Variants in CPEB4 observed in about 807,000 individuals in gnomAD.
CPEB4 encodes the protein cytoplasmic polyadenylation element-binding protein 4.
In CPEB4, 12 loss-of-function variants were observed where a neutral mutation model predicts 72.5. The observed-to-expected ratio is 0.17, with a 90% CI of 0.11 to 0.27. The LOEUF (loss-of-function observed/expected upper bound fraction) is 0.27. CPEB4 is among the 10% of genes least tolerant of loss of function. The pLI is 1.00. For synonymous variants in CPEB4, 302 were observed against 326.3 expected, an observed-to-expected ratio of 0.93 and a Z score of 0.80; for missense variants, 614 against 908.5, an observed-to-expected ratio of 0.68 and a Z score of 4.17.
rs1450007061 is a variant in CPEB4, at chr5:173,956,808, C to T, written c.*671C>T. ...ATTTCATTATCCCTCAAAAAGTTAC[C>T]ACCACATCAGAAAAAATAAAAAAAA... On this transcript the variant is annotated 3_prime_UTR_variant, in exon 10 of 10. Transcript: ENST00000265085. 2 of 151,346 alleles carry T rather than the reference C, an allele frequency of 1.3e-5. No homozygotes were observed. Among genetic ancestry groups the T allele is most frequent in the Admixed American group, 6.6e-5 (1 of 15,164 alleles). 9.4% of individuals were successfully genotyped at this position (151,346 alleles called of 1,614,324 possible).
At chr5:173,906,354 G>A (rs1756436021) in intron 1 of CPEB4, among the ~76,000 whole-genome samples, 1 of 152,158 alleles carries the variant, frequency 6.6e-6, no homozygotes, top group Non-Finnish European at 1.5e-5. Flanking sequence ...GGACAGAAAA[G>A]ATCAGTGAGG....
chr5:173,934,696 A>T (rs977087969), intron 3 of CPEB4, among the ~76,000 whole-genome samples: 5 of 152,220 alleles, frequency 3.3e-5, no homozygotes, highest in African/African-American at 1.2e-4. Context: ...GGTAGACCAG[A>T]TGCCAGAGGT....
At chr5:173,908,420 C>T (rs941119624) in intron 1 of CPEB4, among the ~76,000 whole-genome samples, 16 of 152,208 alleles carry the variant, frequency 1.1e-4, no homozygotes, top group African/African-American at 3.1e-4. Context: ...TCCTCATCCT[C>T]ACCCTAACCT....
At chr5:173,944,474 CAA>C (rs5873401) in intron 4 of CPEB4, among the ~76,000 whole-genome samples, 29,057 of 118,804 alleles carry the variant, frequency 0.24, 3,377 homozygotes, top group Non-Finnish European at 0.32. Context: ...GACACTGTCT[CAA>C]AAAAAAAAAA....
intron 2 of CPEB4, 132 bp downstream of exon 2, chr5:173,910,736 A>G: frequency 1.6e-6 from 1 of 636,154 alleles, no homozygotes. Context: ...AATTTTACAC[A>G]TATACCTCTT....
intron 2 of CPEB4, among the ~76,000 whole-genome samples, chr5:173,926,611 C>A (rs1757251749): frequency 6.6e-6 from 1 of 152,188 alleles, no homozygotes; most frequent in African/African-American, 2.4e-5. Context: ...GTATGCCAGG[C>A]TTCTGGTTCC....
chr5:173,912,406 AT>A (rs1482945358), intron 2 of CPEB4, among the ~76,000 whole-genome samples: 5 of 152,122 alleles, frequency 3.3e-5, no homozygotes, highest in Non-Finnish European at 5.9e-5. Flanking sequence ...AAATGTTGCC[AT>A]TTGAGAACAC....
intron 2 of CPEB4, among the ~76,000 whole-genome samples, chr5:173,927,184 AC>A (rs528800864): frequency 9.2e-5 from 14 of 152,186 alleles, no homozygotes; most frequent in African/African-American, 3.4e-4. Flanking sequence ...GTTCTCAAAA[AC>A]CCAACCAGAC....
rs1755750385 is a variant in CPEB4 at position 173,890,092 on chromosome 5, G to T, written c.359G>T (p.Gly120Val). The T allele has an allele frequency of 6.2e-7, 1 of 1,613,990 alleles. No individual in the cohort carries two copies. The highest frequency in any genetic ancestry group is 8.5e-7 in the Non-Finnish European group (1 of 1,180,030). Residue 120 changes from glycine (G) to valine (V), a missense_variant, in exon 1 of 10, where the codon GGG becomes GTG. Physicochemically the swap from Gly to Val is moderately radical, Grantham distance 109 (BLOSUM62 -3). Around this residue, in one of 5 missense-constraint regions of CPEB4, gnomAD observed 458 missense variants for 548.6 expected, o/e 0.83. Transcript: ENST00000265085. The part of the protein sequence containing the change: ...TEKAKSEENQ[G>V]DNSSENGNGK... ...AAGGCAAAATCAGAAGAAAATCAAGGGGACAATTCTTCGGAAAATGGCAAT... is the reference window on the plus strand; with the variant it reads ...AAGGCAAAATCAGAAGAAAATCAAGTGGACAATTCTTCGGAAAATGGCAAT...
At chr5:173,935,052 T>G (rs1218241715) in intron 3 of CPEB4, among the ~76,000 whole-genome samples, 1 of 152,158 alleles carries the variant, frequency 6.6e-6, no homozygotes, top group Admixed American at 6.5e-5. Flanking sequence ...ACCCATCACA[T>G]AGGGTTGTGG....
intron 3 of CPEB4, among the ~76,000 whole-genome samples, chr5:173,939,362 TAC>T (rs1757744316): frequency 1.3e-5 from 2 of 152,106 alleles, no homozygotes; most frequent in African/African-American, 2.4e-5. Context: ...CATACATACA[TAC>T]ATACATACAA....
intron 2 of CPEB4, among the ~76,000 whole-genome samples, chr5:173,918,967 G>A (rs949080308): frequency 6.6e-6 from 1 of 152,132 alleles, no homozygotes; most frequent in Admixed American, 6.5e-5. Flanking sequence ...AACGGTGGGC[G>A]AGTAGATGGG....
At chr5:173,901,519 G>A (rs557657464) in intron 1 of CPEB4, among the ~76,000 whole-genome samples, 25 of 152,108 alleles carry the variant, frequency 1.6e-4, no homozygotes, top group Non-Finnish European at 3.2e-4. Context: ...TTCAGGCCAC[G>A]TATATATAGT....
chr5:173,942,380 C>T (rs1346799537), intron 3 of CPEB4, among the ~76,000 whole-genome samples: 1 of 152,188 alleles, frequency 6.6e-6, no homozygotes. Context: ...CCTGAGTATT[C>T]CAGTGGATTA....
At chr5:173,936,874 T>A (rs1337428479) in intron 3 of CPEB4, among the ~76,000 whole-genome samples, 1 of 151,850 alleles carries the variant, frequency 6.6e-6, no homozygotes, top group Non-Finnish European at 1.5e-5. Context: ...GATTAGCTAC[T>A]TCAAAAATGA....
intron 2 of CPEB4, among the ~76,000 whole-genome samples, chr5:173,920,957 T>C (rs1581135436): frequency 6.6e-6 from 1 of 152,312 alleles, no homozygotes; most frequent in East Asian, 1.9e-4. Flanking sequence ...TTGTTTAAAC[T>C]TGGCCTCGTG....
intron 3 of CPEB4, among the ~76,000 whole-genome samples, chr5:173,932,721 A>G (rs1757490203): frequency 1.3e-5 from 2 of 152,348 alleles, no homozygotes; most frequent in South Asian, 2.1e-4. Context: ...ACTTGGTGAC[A>G]ATGAGAATGA....
At position 173,945,147 on chromosome 5, in the gene CPEB4, T is replaced by A; in HGVS notation, c.1456+7T>A. On this transcript the variant is annotated splice_region_variant and intron_variant, in intron 5 of 9. Transcript: ENST00000265085. ...CCTCCAGACATTGATGAAGGTATGTTTAGAACTGTTTATAGCACGGTGCCC... is the reference window on the plus strand; with the variant it reads ...CCTCCAGACATTGATGAAGGTATGTATAGAACTGTTTATAGCACGGTGCCC... 1 of 1,610,514 alleles carries A rather than the reference T, an allele frequency of 6.2e-7. No individual in the cohort carries two copies. Among genetic ancestry groups the A allele is most frequent in the East Asian group, 2.2e-5 (1 of 44,814 alleles).
At chr5:173,914,577 G>A (rs1236301477) in intron 2 of CPEB4, among the ~76,000 whole-genome samples, 1 of 152,118 alleles carries the variant, frequency 6.6e-6, no homozygotes, top group African/African-American at 2.4e-5. Flanking sequence ...CCAACATGGT[G>A]AAACCCCATC....
Sources: gnomAD v4.1 joint callset for allele counts (sites outside exome capture counted in the v4.1 genomes callset) on GRCh38, gnomAD v4.1.1 for gene constraint, gnomAD v4.1.1 regional missense constraint, MANE v1.5 for transcripts, NCBI Gene and HGNC (gene_info 2026-07-23, HGNC 2026-07-21) for gene names.